The following ARL17B variants were observed in gnomAD, a reference collection of about 807,000 sequenced individuals.
ARL17B encodes the protein ADP-ribosylation factor-like protein 17.
At chr17:46,291,901 C>T (rs1366987727) in intron 4 of ARL17B, among the ~76,000 whole-genome samples, 2 of 145,112 alleles carry the variant, frequency 1.4e-5, no homozygotes, top group African/African-American at 2.6e-5. Flanking sequence ...GGGGAGGCTG[C>T]GATGGGGTGT....
chr17:46,333,654 TA>T (rs2052148536), downstream of ARL17B, among the ~76,000 whole-genome samples: 1 of 41,456 alleles, frequency 2.4e-5, no homozygotes, highest in Admixed American at 2.1e-4. Flanking sequence ...TTTGTCCATC[TA>T]AAATGCCCTT....
intron 4 of ARL17B, among the ~76,000 whole-genome samples, chr17:46,288,174 C>T (rs2049969230): frequency 7.0e-6 from 1 of 142,516 alleles, no homozygotes; most frequent in African/African-American, 2.5e-5. Context: ...TTTTGTCTCG[C>T]TGTATAACCC....
chr17:46,278,057 T>C (rs1180146346), intron 4 of ARL17B, among the ~76,000 whole-genome samples: 2 of 152,174 alleles, frequency 1.3e-5, no homozygotes, highest in Non-Finnish European at 2.9e-5. Context: ...GTGATTCTTC[T>C]GCCTCAGCCT....
chr17:46,332,318 T>C (rs1188653036), downstream of ARL17B, among the ~76,000 whole-genome samples: 1 of 70,400 alleles, frequency 1.4e-5, no homozygotes, highest in African/African-American at 7.3e-5. Flanking sequence ...GCTGGGTTGA[T>C]GACACGTGCC....
At chr17:46,287,756 A>G (rs76529920) in intron 4 of ARL17B, among the ~76,000 whole-genome samples, 6,895 of 129,996 alleles carry the variant, frequency 0.053, no homozygotes, top group Non-Finnish European at 0.087. Flanking sequence ...AAGGATGCAA[A>G]GATAGTTATC....
At chr17:46,282,422 T>C (rs2049793263) in intron 4 of ARL17B, among the ~76,000 whole-genome samples, 1 of 151,416 alleles carries the variant, frequency 6.6e-6, no homozygotes, top group South Asian at 2.1e-4. Flanking sequence ...TGTTTGTTTT[T>C]TTTTTTTAAA....
intron 4 of ARL17B, among the ~76,000 whole-genome samples, chr17:46,280,354 ACT>A (rs1364580554): frequency 6.6e-6 from 1 of 151,708 alleles, no homozygotes; most frequent in African/African-American, 2.4e-5. Flanking sequence ...ACAGAGTGAG[ACT>A]CTGTCTCAAA....
At chr17:46,290,240 T>C (rs1370194979) in intron 4 of ARL17B, among the ~76,000 whole-genome samples, 4 of 152,324 alleles carry the variant, frequency 2.6e-5, no homozygotes, top group Non-Finnish European at 5.9e-5. Flanking sequence ...AGCAGTCCCC[T>C]GGCCTCAGCC....
intron 4 of ARL17B, among the ~76,000 whole-genome samples, chr17:46,282,086 C>T (rs1398851351): frequency 3.3e-5 from 5 of 151,924 alleles, no homozygotes; most frequent in African/African-American, 1.2e-4. Context: ...TGGGCTTGTC[C>T]TTCAGTTTTT....
At chr17:46,341,037 G>A (rs2052516379) in intron 3 of ARL17B, among the ~76,000 whole-genome samples, 1 of 65,656 alleles carries the variant, frequency 1.5e-5, no homozygotes, top group African/African-American at 5.4e-5. Context: ...CCCCGCGCCC[G>A]GCAAAGCCTA....
intron 3 of ARL17B, among the ~76,000 whole-genome samples, chr17:46,317,060 A>C (rs1310195135): frequency 1.1e-5 from 1 of 87,138 alleles, no homozygotes; most frequent in African/African-American, 3.1e-5. Flanking sequence ...TTTTCCCCAC[A>C]TTTCCCCCTT....
chr17:46,336,571 TA>T lies in ARL17B; in HGVS notation c.*2928del, dbSNP rs1165584039. Among the ~76,000 whole-genome samples the T allele has an allele frequency of 6.7e-3, 3 of 448 alleles. No individual in the cohort carries two copies. Among genetic ancestry groups the T allele is most frequent in the African/African-American group, 9.1e-3 (3 of 330 alleles). 0.3% of individuals were successfully genotyped at this position (448 alleles called of 152,430 possible). On this transcript the variant is annotated 3_prime_UTR_variant, in exon 4 of 4. Transcript: ENST00000450673. ...GGGGAATGAGCCAAACTGTCTCAAA[TA>T]AAAAAAAAACAACAAAAAAGAATTT...
chr17:46,286,590 G>A (rs1192338722), intron 4 of ARL17B, among the ~76,000 whole-genome samples: 5 of 152,116 alleles, frequency 3.3e-5, no homozygotes, highest in Non-Finnish European at 7.3e-5. Flanking sequence ...TTTCCCCAAT[G>A]TGTCTCAAAC....
At chr17:46,315,460 G>A (rs1467278603) in intron 3 of ARL17B, among the ~76,000 whole-genome samples, 5 of 129,040 alleles carry the variant, frequency 3.9e-5, no homozygotes, top group Non-Finnish European at 6.7e-5. Context: ...CCGGGAGATC[G>A]GTGCTGCAGT....
In ARL17B at chr17:46,314,796, G is replaced by A; in HGVS notation, c.260-15131C>T. Among the ~76,000 whole-genome samples, 2 of 82,192 alleles carry A rather than the reference G, an allele frequency of 2.4e-5. 1 individual carries two copies. The allele number at this position is 82,192 out of a possible 152,430, so 53.9% of individuals were successfully genotyped here. ...CTACATTCGTAAGAAATACTGGTCT[G>A]TAATTTTTTGTGTGTGATGTCTTTA... is the stretch of plus-strand genomic sequence containing the variant. On this transcript the variant is annotated intron_variant, in intron 3 of 4. Coordinates refer to the ARL17B transcript ENST00000434041.
intron 4 of ARL17B, among the ~76,000 whole-genome samples, chr17:46,277,095 GCA>G (rs2049611209): frequency 6.6e-6 from 1 of 152,206 alleles, no homozygotes; most frequent in Non-Finnish European, 1.5e-5. Context: ...GTGAGCCACT[GCA>G]CACAGCCTAA....
chr17:46,275,418 C>T, exon 5 of ARL17B: 2 of 959,464 alleles, frequency 2.1e-6, no homozygotes, highest in African/African-American at 1.8e-5. Flanking sequence ...TGTTGTGAGA[C>T]CTACAGAGTA....
intron 4 of ARL17B, among the ~76,000 whole-genome samples, chr17:46,288,706 C>CTTTTTCTTTT (rs2049986373): frequency 7.2e-6 from 1 of 139,060 alleles, no homozygotes; most frequent in Non-Finnish European, 1.6e-5. Flanking sequence ...CTTGTTTTTT[C>CTTTTTCTTTT]TTTTTTTTTT....
rs1368003771 is a variant in ARL17B at position 46,339,415 on chromosome 17, TG to T, written c.*84del. On this transcript the variant is annotated 3_prime_UTR_variant, in exon 4 of 4. Coordinates refer to ENST00000450673, the MANE Select transcript of ARL17B (RefSeq NM_001039083.5). Reference sequence around the variant, plus strand: ...CTAGATATTTCAAACAAAAAAGGGTTGTATATAGGCAATTAGTGCTTATCAC... The same window carrying T: ...CTAGATATTTCAAACAAAAAAGGGTTTATATAGGCAATTAGTGCTTATCAC... 3.7e-6 allele frequency: 1 copy of T among 270,860 alleles called. No individual in the cohort carries two copies. Among genetic ancestry groups the T allele is most frequent in the African/African-American group, 3.1e-5 (1 of 32,450 alleles). The allele number at this position is 270,860 out of a possible 1,614,324, so 16.8% of individuals were successfully genotyped here.
Sources: allele counts gnomAD v4.1 joint callset (sites outside exome capture counted in the v4.1 genomes callset), GRCh38; gene constraint gnomAD v4.1.1; transcripts MANE v1.5; gene names NCBI Gene and HGNC (gene_info 2026-07-23, HGNC 2026-07-21).